Variants in FAM184A observed in about 807,000 individuals in gnomAD.
FAM184A encodes the protein protein FAM184A.
In FAM184A, 99 loss-of-function variants were observed where a neutral mutation model predicts 143.8. The ratio of observed to expected loss-of-function variants is 0.69; its 90% CI spans 0.58 to 0.81. The LOEUF (loss-of-function observed/expected upper bound fraction) is 0.81. Ranked by LOEUF, FAM184A falls within the 40% of genes least tolerant of loss-of-function variation. The probability of loss-of-function intolerance (pLI) is 0.00; values close to 1 mark genes in which losing one functional copy is unlikely to be tolerated. For synonymous variants in FAM184A, 427 were observed against 446.4 expected, an observed-to-expected ratio of 0.96 and a Z score of 0.55; for missense variants, 1,217 against 1,310.5, an observed-to-expected ratio of 0.93 and a Z score of 1.10.
In FAM184A at chr6:119,050,852, T is replaced by C. The variant is rs1786734467; in HGVS notation, c.160-26039A>G. ...AGAGATCATGTCTTTTGCAAGAATA[T>C]GGATAGAGCTGGAGGCTATTACTAT... On this transcript the variant is annotated intron_variant, in intron 1 of 17. Transcript: ENST00000338891. 2.0e-5 allele frequency among the ~76,000 whole-genome samples: 3 copies of C among 150,786 alleles called. No individual in the cohort carries two copies. In the South Asian group the frequency reaches 6.3e-4, roughly 32 times the overall value.
chr6:119,032,441 C>T (rs1785909293), intron 1 of FAM184A, among the ~76,000 whole-genome samples: 1 of 133,342 alleles, frequency 7.5e-6, no homozygotes, highest in South Asian at 2.7e-4. Flanking sequence ...CTATTAAATT[C>T]TGGATACTGC....
intron 6 of FAM184A, among the ~76,000 whole-genome samples, chr6:119,007,303 T>C (rs1784952073): frequency 6.6e-6 from 1 of 152,204 alleles, no homozygotes; most frequent in Admixed American, 6.5e-5. Context: ...CTATGAAATT[T>C]CTACAAAAGT....
chr6:119,116,766 A>G (rs927313259), intron 1 of FAM184A, among the ~76,000 whole-genome samples: 1 of 152,220 alleles, frequency 6.6e-6, no homozygotes, highest in Non-Finnish European at 1.5e-5. Flanking sequence ...ATTAAGGAGG[A>G]CAGGAGGAAT....
upstream of FAM184A, among the ~76,000 whole-genome samples, chr6:119,083,492 C>T (rs1263473531): frequency 1.3e-5 from 2 of 152,148 alleles, no homozygotes; most frequent in African/African-American, 4.8e-5. Flanking sequence ...ATGCATATGA[C>T]TGTATGCTTT....
chr6:119,078,796 GC>G (rs944514271), upstream of FAM184A: 1 of 153,854 alleles, frequency 6.5e-6, no homozygotes, highest in African/African-American at 2.4e-5. The surrounding 1 kb of genome is among the most constrained non-coding windows in gnomAD (Gnocchi z 5.5). Context: ...GCCCCGCCCA[GC>G]CCCGCGCAGC....
chr6:119,144,321 G>A lies in FAM184A; in HGVS notation c.-202+4757C>T, dbSNP rs542034665. Among the ~76,000 whole-genome samples, 60 of 144,332 alleles carry A rather than the reference G, an allele frequency of 4.2e-4. No individual in the cohort carries two copies. In the Middle Eastern group the frequency reaches 0.011, roughly 26 times the overall value. 94.7% of individuals were successfully genotyped at this position (144,332 alleles called of 152,430 possible). On this transcript the variant is annotated intron_variant, in intron 1 of 16. Coordinates refer to the FAM184A transcript ENST00000352896. ...TGCACTCCAGCCTGGGCCACAGAAC[G>A]AGACTCTGACTCAAAAAAAAAAAAA...
chr6:119,079,571 T>C (rs1334083806), upstream of FAM184A, among the ~76,000 whole-genome samples: 2 of 152,222 alleles, frequency 1.3e-5, no homozygotes, highest in Non-Finnish European at 2.9e-5. Flanking sequence ...GTATCCTGCA[T>C]TGAAGCATGT....
chr6:119,078,777 C>T (rs533474035), upstream of FAM184A: 257 of 152,930 alleles, frequency 1.7e-3, no homozygotes, highest in African/African-American at 5.6e-3. This position sits in a 1 kb window ranked among gnomAD's most constrained non-coding sequence, Gnocchi z 5.5. Context: ...GTCATTTCCC[C>T]GCAGCCAAGC....
At chr6:119,119,789 G>T (rs1400362768) in intron 1 of FAM184A, among the ~76,000 whole-genome samples, 1 of 151,820 alleles carries the variant, frequency 6.6e-6, no homozygotes, top group Non-Finnish European at 1.5e-5. Flanking sequence ...TGAGCAAGAT[G>T]GTGAGATTCT....
chr6:119,094,200 T>C (rs1363967090), intron 1 of FAM184A, among the ~76,000 whole-genome samples: 1 of 151,814 alleles, frequency 6.6e-6, no homozygotes, highest in Non-Finnish European at 1.5e-5. Context: ...GCCTCTCGAG[T>C]AGCTGGGATT....
intron 1 of FAM184A, among the ~76,000 whole-genome samples, chr6:119,135,269 A>AT (rs1789633077): frequency 6.6e-6 from 1 of 152,202 alleles, no homozygotes; most frequent in East Asian, 1.9e-4. Context: ...TATATATGAC[A>AT]TAAAAATATA....
Position 118,959,878 on chromosome 6 carries a change from T to A in FAM184A, c.*225A>T, listed in dbSNP as rs1238106647. 2 of 323,854 alleles carry A rather than the reference T, an allele frequency of 6.2e-6. No individual in the cohort carries two copies. Among genetic ancestry groups the A allele is most frequent in the East Asian group, 9.4e-5 (2 of 21,306 alleles). 20.1% of individuals were successfully genotyped at this position (323,854 alleles called of 1,614,324 possible). A position where few individuals can be genotyped will look rare whatever the true frequency, so the allele number is the denominator to read the frequency against. ...TGCAGTAATTACAAAGGTTAAAGAC[T>A]CTTCCATCTCAAATAAAAATAACAG... On this transcript the variant is annotated 3_prime_UTR_variant, in exon 18 of 18. Coordinates refer to ENST00000338891, the MANE Select transcript of FAM184A (RefSeq NM_024581.6).
At chr6:119,070,230 T>C (rs1056740407) in intron 1 of FAM184A, among the ~76,000 whole-genome samples, 1 of 152,174 alleles carries the variant, frequency 6.6e-6, no homozygotes, top group South Asian at 2.1e-4. Flanking sequence ...TTATACATTC[T>C]CGTTGAAGTT....
intron 9 of FAM184A, among the ~76,000 whole-genome samples, chr6:118,983,680 G>T (rs953355316): frequency 1.3e-5 from 2 of 151,882 alleles, no homozygotes; most frequent in African/African-American, 4.8e-5. Flanking sequence ...ATATTCTACT[G>T]GTTGATAGGT....
chr6:119,004,568 A>C (rs1030024355), intron 7 of FAM184A, among the ~76,000 whole-genome samples: 1 of 152,212 alleles, frequency 6.6e-6, no homozygotes, highest in Non-Finnish European at 1.5e-5. Flanking sequence ...AACGGAGTAG[A>C]CTGCTTAAAA....
In FAM184A at chr6:118,966,828, A is replaced by G; in HGVS notation, c.3033+7T>C. The G allele has an allele frequency of 6.8e-7, 1 of 1,470,576 alleles. No individual in the cohort carries two copies. Among genetic ancestry groups the G allele is most frequent in the Non-Finnish European group, 9.4e-7 (1 of 1,062,192 alleles). 91.1% of individuals were successfully genotyped at this position (1,470,576 alleles called of 1,614,324 possible). On this transcript the variant is annotated splice_region_variant and intron_variant, in intron 15 of 17. Transcript: ENST00000338891. ...AACATGGTTAGACTAAAACCAAAAT[A>G]TCTTACAATTAGTTTCTTTATGATC...
intron 1 of FAM184A, among the ~76,000 whole-genome samples, chr6:119,086,299 G>C (rs1562144711): frequency 6.6e-6 from 1 of 152,172 alleles, no homozygotes; most frequent in South Asian, 2.1e-4. Flanking sequence ...AGTCTCTTCA[G>C]GGCAGTAGTC....
At chr6:119,028,018 T>G (rs1201210082) in intron 1 of FAM184A, among the ~76,000 whole-genome samples, 1 of 152,216 alleles carries the variant, frequency 6.6e-6, no homozygotes. Context: ...CTTTTAAGCT[T>G]AAGCCAATGT....
intron 9 of FAM184A, among the ~76,000 whole-genome samples, chr6:118,994,903 T>C (rs1784500402): frequency 6.6e-6 from 1 of 152,132 alleles, no homozygotes; most frequent in Non-Finnish European, 1.5e-5. Flanking sequence ...CTACTAATGC[T>C]TTACACGTAC....
Sources: allele counts gnomAD v4.1 joint callset (sites outside exome capture counted in the v4.1 genomes callset), GRCh38; gene constraint gnomAD v4.1.1; non-coding constraint Gnocchi (gnomAD v3.1); transcripts MANE v1.5; gene names NCBI Gene and HGNC (gene_info 2026-07-23, HGNC 2026-07-21).